ESRRG: variants seen among roughly 807,000 people sequenced by gnomAD.
ESRRG encodes the protein estrogen-related receptor gamma.
In ESRRG, 13 loss-of-function variants were observed where a neutral mutation model predicts 44.0. The ratio of observed to expected loss-of-function variants is 0.30; its 90% CI spans 0.19 to 0.47. ESRRG has a LOEUF of 0.47. Among genes scored for constraint, ESRRG ranks in the 20% least tolerant of loss-of-function variants. The pLI is 1.00. For missense variants in ESRRG, 395 were observed against 580.6 expected, an observed-to-expected ratio of 0.68 and a Z score of 3.29; for synonymous variants, 215 against 214.6, an observed-to-expected ratio of 1.00 and a Z score of -0.02.
chr1:216,534,065 A>G (rs1338609798), intron 5 of ESRRG, among the ~76,000 whole-genome samples: 1 of 152,136 alleles, frequency 6.6e-6, no homozygotes, highest in African/African-American at 2.4e-5. Flanking sequence ...AGATGAAGCC[A>G]TAGATAAAGA....
intron 1 of ESRRG, among the ~76,000 whole-genome samples, chr1:216,952,188 G>A (rs2067084447): frequency 6.6e-6 from 1 of 151,982 alleles, no homozygotes; most frequent in South Asian, 2.1e-4. Flanking sequence ...GCTGATTTGG[G>A]GCTCAGAACA....
intron 6 of ESRRG, among the ~76,000 whole-genome samples, chr1:216,516,668 C>CACAGAGAG (rs376701865): frequency 9.4e-4 from 129 of 137,244 alleles, no homozygotes; most frequent in Middle Eastern, 3.8e-3. Flanking sequence ...CACACACACA[C>CACAGAGAG]AGAGAGAGAG....
chr1:216,638,634 G>A (rs1220719244), intron 3 of ESRRG, among the ~76,000 whole-genome samples: 1 of 152,042 alleles, frequency 6.6e-6, no homozygotes, highest in Non-Finnish European at 1.5e-5. Flanking sequence ...TTCTGAAAAG[G>A]GTAACATCTC....
chr1:217,024,653 T>A (rs951143935), intron 1 of ESRRG, among the ~76,000 whole-genome samples: 2 of 152,228 alleles, frequency 1.3e-5, no homozygotes, highest in Admixed American at 1.3e-4. Context: ...TGTCCCCATT[T>A]CTTCTCAACC....
chr1:217,081,616 T>A (rs991783806), intron 1 of ESRRG, among the ~76,000 whole-genome samples: 1 of 152,102 alleles, frequency 6.6e-6, no homozygotes, highest in South Asian at 2.1e-4. Flanking sequence ...GTTTGGTTGG[T>A]TGGCATTTTT....
chr1:216,870,786 C>T (rs925613571), intron 2 of ESRRG, among the ~76,000 whole-genome samples: 15 of 151,866 alleles, frequency 9.9e-5, no homozygotes, highest in African/African-American at 3.4e-4. Context: ...CGATTTTTTT[C>T]ATAGTATTAT....
chr1:216,616,736 C>T (rs2150392990), intron 3 of ESRRG, among the ~76,000 whole-genome samples: 1 of 152,322 alleles, frequency 6.6e-6, no homozygotes, highest in South Asian at 2.1e-4. Context: ...AAAAGCACTT[C>T]CTGCTTTTGA....
intron 2 of ESRRG, among the ~76,000 whole-genome samples, chr1:216,908,755 A>C (rs192552851): frequency 1.3e-5 from 2 of 152,140 alleles, no homozygotes; most frequent in Admixed American, 1.3e-4. Flanking sequence ...TGAGACCTGG[A>C]AGGACTTGGA....
chr1:216,613,197 C>G (rs1221263729), intron 3 of ESRRG, among the ~76,000 whole-genome samples: 1 of 152,042 alleles, frequency 6.6e-6, no homozygotes, highest in Non-Finnish European at 1.5e-5. Flanking sequence ...AGTTTAAATA[C>G]TATATTGGAA....
intron 1 of ESRRG, among the ~76,000 whole-genome samples, chr1:217,101,651 C>T (rs190316404): frequency 4.6e-5 from 7 of 152,284 alleles, no homozygotes; most frequent in Non-Finnish European, 8.8e-5. Flanking sequence ...CTTTCTCCTA[C>T]CTCACTCCAC....
chr1:216,912,183 A>AAGAAG (rs1560083326), intron 2 of ESRRG, among the ~76,000 whole-genome samples: 501 of 21,100 alleles, frequency 0.024, 68 homozygotes, highest in South Asian at 0.037. Context: ...AAGAAAAGAA[A>AAGAAG]AGGAGAGGAG....
At chr1:216,973,140 A>T (rs2072054331) in intron 1 of ESRRG, among the ~76,000 whole-genome samples, 1 of 152,130 alleles carries the variant, frequency 6.6e-6, no homozygotes, top group African/African-American at 2.4e-5. Context: ...TTTTCTAAAC[A>T]GCTGCTGGGA....
At chr1:216,693,655 A>T (rs1438358996) in intron 1 of ESRRG, among the ~76,000 whole-genome samples, 2 of 152,188 alleles carry the variant, frequency 1.3e-5, no homozygotes, top group Non-Finnish European at 2.9e-5. Flanking sequence ...GTTATACTGT[A>T]TTGTTTAGGG....
At position 216,943,634 on chromosome 1, in the gene ESRRG, A is replaced by G. The variant is rs760208661; in HGVS notation, c.-105-3961T>C. Reference sequence around the variant, plus strand: ...TAATCTACTTACTACACACACATACAAAAGCCTGAACAGCATATACTCTCA... The same window carrying G: ...TAATCTACTTACTACACACACATACGAAAGCCTGAACAGCATATACTCTCA... On this transcript the variant is annotated intron_variant, in intron 1 of 7. Transcript: ENST00000359162. 3.3e-5 allele frequency among the ~76,000 whole-genome samples: 5 copies of G among 152,084 alleles called. 1 individual carries two copies. The highest frequency in any genetic ancestry group is 5.9e-5 in the Non-Finnish European group (4 of 68,036).
intron 2 of ESRRG, among the ~76,000 whole-genome samples, chr1:216,787,642 A>C (rs1157043682): frequency 4.0e-5 from 6 of 151,354 alleles, no homozygotes; most frequent in African/African-American, 1.5e-4. Flanking sequence ...ATGGCCTCCA[A>C]GTGTTCAAGT....
At chr1:216,513,885 T>G (rs1285256195) in intron 6 of ESRRG, among the ~76,000 whole-genome samples, 1 of 152,146 alleles carries the variant, frequency 6.6e-6, no homozygotes, top group Non-Finnish European at 1.5e-5. Context: ...GGTGAATAGT[T>G]CAACATTTCA....
intron 2 of ESRRG, among the ~76,000 whole-genome samples, chr1:216,738,862 A>G (rs1267247069): frequency 6.6e-6 from 1 of 152,172 alleles, no homozygotes; most frequent in Non-Finnish European, 1.5e-5. Context: ...CTTATGAGAC[A>G]GGGTCTCACT....
chr1:217,020,143 C>T (rs1392524816), intron 1 of ESRRG, among the ~76,000 whole-genome samples: 3 of 152,090 alleles, frequency 2.0e-5, no homozygotes, highest in African/African-American at 7.2e-5. Context: ...CATGGTTTTG[C>T]TCAAATAAAT....
At chr1:216,705,736 C>T (rs1034959979) in intron 1 of ESRRG, among the ~76,000 whole-genome samples, 12 of 152,140 alleles carry the variant, frequency 7.9e-5, no homozygotes, top group African/African-American at 2.9e-4. Context: ...TTCTTCTTTC[C>T]TTCTATTTAT....
Sources: allele counts gnomAD v4.1 joint callset (sites outside exome capture counted in the v4.1 genomes callset), GRCh38; gene constraint gnomAD v4.1.1; transcripts MANE v1.5; gene names NCBI Gene and HGNC (gene_info 2026-07-23, HGNC 2026-07-21).